The following UBR3 variants were observed in gnomAD, a reference collection of about 807,000 sequenced individuals.
The protein encoded by UBR3 is ubiquitin protein ligase E3 component n-recognin 3.
In UBR3, 85 loss-of-function variants were observed where a neutral mutation model predicts 243.2. The ratio of observed to expected loss-of-function variants is 0.35; its 90% CI spans 0.29 to 0.42. The LOEUF is 0.42. Among genes scored for constraint, UBR3 ranks in the 10% least tolerant of loss-of-function variants. The pLI, the probability that UBR3 is intolerant of heterozygous loss-of-function variation, is 1.00. For missense variants in UBR3, 1,686 were observed against 2,300.8 expected (o/e 0.73, Z 5.47); for synonymous variants, 748 against 799.8 (o/e 0.94, Z 1.09).
At chr2:170,000,366 C>A (rs2089652975) in intron 26 of UBR3, among the ~76,000 whole-genome samples, 1 of 152,162 alleles carries the variant, frequency 6.6e-6, no homozygotes, top group South Asian at 2.1e-4. Context: ...TGTTTAAGAA[C>A]CACTTCTCCC....
chr2:170,052,779 T>C (rs745497732), intron 32 of UBR3, among the ~76,000 whole-genome samples: 1 of 152,202 alleles, frequency 6.6e-6, no homozygotes, highest in African/African-American at 2.4e-5. Context: ...ATGATGACTA[T>C]AGCTGTAATA....
chr2:169,873,597 C>T (rs2083499981), intron 2 of UBR3, among the ~76,000 whole-genome samples: 1 of 151,976 alleles, frequency 6.6e-6, no homozygotes, highest in Non-Finnish European at 1.5e-5. Flanking sequence ...CCCTTGAGCT[C>T]AGGAGTTCAA....
At chr2:169,985,016 T>TAAA (rs35605936) in intron 24 of UBR3, among the ~76,000 whole-genome samples, 2 of 147,780 alleles carry the variant, frequency 1.4e-5, no homozygotes, top group African/African-American at 2.5e-5. Flanking sequence ...CAAGACTTAT[T>TAAA]AAAAAAAAAA....
At position 170,081,723 on chromosome 2, in the gene UBR3, T is replaced by G; in HGVS notation, c.5550-3T>G. On this transcript the variant is annotated splice_polypyrimidine_tract_variant and splice_region_variant and intron_variant, in intron 38 of 38. Transcript: ENST00000272793. ...TAATACTTTTTTTTTCTTTTTGTTC[T>G]AGGCGAGGCAAACCTCTCTACATTT... 1 of 1,582,140 alleles carries G rather than the reference T, an allele frequency of 6.3e-7. No individual in the cohort carries two copies. Among genetic ancestry groups the G allele is most frequent in the Non-Finnish European group, 8.6e-7 (1 of 1,166,950 alleles).
intron 1 of UBR3, among the ~76,000 whole-genome samples, chr2:169,836,636 TA>T (rs57218732): frequency 7.7e-4 from 109 of 141,850 alleles, no homozygotes; most frequent in South Asian, 1.1e-3. Context: ...ATTCAGAACT[TA>T]AAAAAAAAAA....
At chr2:169,840,574 C>T (rs1488350974) in intron 1 of UBR3, among the ~76,000 whole-genome samples, 1 of 152,132 alleles carries the variant, frequency 6.6e-6, no homozygotes, top group African/African-American at 2.4e-5. Flanking sequence ...CAACCCTGCC[C>T]CCATAGCTCT....
intron 5 of UBR3, among the ~76,000 whole-genome samples, chr2:169,888,876 A>G (rs2084215453): frequency 1.3e-5 from 2 of 152,246 alleles, no homozygotes; most frequent in East Asian, 1.9e-4. Context: ...CAGGTGTGCT[A>G]TTATATATTT....
intron 25 of UBR3, among the ~76,000 whole-genome samples, chr2:169,994,053 A>C (rs1342785123): frequency 6.6e-6 from 1 of 152,158 alleles, no homozygotes; most frequent in East Asian, 1.9e-4. Flanking sequence ...AGGCTTTTTC[A>C]GTGGACAGAT....
chr2:169,913,154 T>C (rs2085319458), intron 10 of UBR3, among the ~76,000 whole-genome samples: 1 of 152,216 alleles, frequency 6.6e-6, no homozygotes, highest in African/African-American at 2.4e-5. Context: ...CCAATTTCTC[T>C]ACATCCTTCC....
intron 24 of UBR3, among the ~76,000 whole-genome samples, chr2:169,963,414 T>C (rs1264616885): frequency 6.6e-6 from 1 of 152,174 alleles, no homozygotes; most frequent in Non-Finnish European, 1.5e-5. Context: ...AGAAATGTTA[T>C]TGACATCTCT....
chr2:169,839,242 T>C (rs2082211239), intron 1 of UBR3, among the ~76,000 whole-genome samples: 1 of 152,210 alleles, frequency 6.6e-6, no homozygotes, highest in African/African-American at 2.4e-5. Flanking sequence ...CTGGAGGTCA[T>C]TATGTTAAGT....
intron 1 of UBR3, among the ~76,000 whole-genome samples, chr2:169,844,492 CTTTTTTT>C (rs71006046): frequency 3.6e-5 from 4 of 111,354 alleles, no homozygotes; most frequent in Non-Finnish European, 3.8e-5. Flanking sequence ...AACCCTCTCT[CTTTTTTT>C]TTTTTTTTTT....
intron 1 of UBR3, among the ~76,000 whole-genome samples, chr2:169,866,425 G>C (rs548772268): frequency 6.6e-6 from 1 of 150,986 alleles, no homozygotes; most frequent in African/African-American, 2.4e-5. Context: ...GTGCAGTGGC[G>C]AGATCTCAGC....
chr2:170,080,643 C>T lies in UBR3; in HGVS notation c.5508C>T (p.Ser1836=), dbSNP rs565319604. ...GTCACCGCTTCTGCCTCTGGGGTTC[C>T]GTGTATTTGGATGCTCATGGAGAGG... ...IRGHRFCLWG[S]VYLDAHGEED... The change falls in exon 38 of 39, where the codon TCC becomes TCT. Residue 1836 remains serine (S), a synonymous_variant. Transcript: ENST00000272793. 65 of 1,613,762 alleles carry T rather than the reference C, an allele frequency of 4.0e-5. No homozygotes were observed. The highest frequency in any genetic ancestry group is 4.5e-5 in the East Asian group (2 of 44,874).
rs1294822321 is a variant in UBR3 at position 169,881,930 on chromosome 2, C to CAT, written c.1038+3360_1038+3361dup. On this transcript the variant is annotated intron_variant, in intron 5 of 38. Coordinates refer to ENST00000272793, the MANE Select transcript of UBR3 (RefSeq NM_172070.4). ...GTATATGTATATGTATACATGTATA[C>CAT]ATATAATATAATTACATATGTATGT... 2.6e-4 allele frequency among the ~76,000 whole-genome samples: 31 copies of CAT among 121,498 alleles called. 1 individual carries two copies. Among genetic ancestry groups the CAT allele is most frequent in the Middle Eastern group, 0.02 (2 of 100 alleles). The allele number at this position is 121,498 out of a possible 152,430, so 79.7% of individuals were successfully genotyped here.
Position 170,043,005 on chromosome 2 carries a change from A to G in UBR3, c.4660+2020A>G, listed in dbSNP as rs549829334. ...TTGGTTAGTTTTTCTTAATCTAGGG[A>G]AACAGTTGCCTTGGATCATGCTGGT... is the stretch of plus-strand genomic sequence containing the variant. On this transcript the variant is annotated intron_variant, in intron 32 of 38. Coordinates refer to ENST00000272793, the MANE Select transcript of UBR3 (RefSeq NM_172070.4). Among the ~76,000 whole-genome samples the G allele has an allele frequency of 2.4e-4, 36 of 152,216 alleles. No homozygotes were observed. In the South Asian group the frequency reaches 7.5e-3, roughly 32 times the overall value.
At chr2:170,061,628 C>A (rs973767297) in intron 35 of UBR3, among the ~76,000 whole-genome samples, 185 bp downstream of exon 35, 1 of 152,044 alleles carries the variant, frequency 6.6e-6, no homozygotes, top group African/African-American at 2.4e-5. Context: ...CCACCAGGCC[C>A]AGCTAATTTT....
chr2:170,072,513 A>G (rs916516271), intron 35 of UBR3, among the ~76,000 whole-genome samples: 1 of 152,202 alleles, frequency 6.6e-6, no homozygotes, highest in Middle Eastern at 3.4e-3. Flanking sequence ...CATGGCACAT[A>G]TATACATATG....
At chr2:170,040,270 T>C (rs1246866340) in intron 31 of UBR3, among the ~76,000 whole-genome samples, 1 of 152,110 alleles carries the variant, frequency 6.6e-6, no homozygotes, top group Non-Finnish European at 1.5e-5. Context: ...TAAGCCCTGC[T>C]AATTTTTTAT....
Sources: allele counts gnomAD v4.1 joint callset (sites outside exome capture counted in the v4.1 genomes callset), GRCh38; gene constraint gnomAD v4.1.1; transcripts MANE v1.5; gene names NCBI Gene and HGNC (gene_info 2026-07-23, HGNC 2026-07-21).